The following SLC11A2 variants were observed in gnomAD, a reference collection of about 807,000 sequenced individuals.
The protein encoded by SLC11A2 is natural resistance-associated macrophage protein 2.
In SLC11A2, 38 loss-of-function variants were observed where a neutral mutation model predicts 68.0. That is an observed-to-expected ratio of 0.56 (90% CI 0.43 to 0.73). SLC11A2 has a LOEUF of 0.73. Among genes scored for constraint, SLC11A2 ranks in the 30% least tolerant of loss-of-function variants. The pLI is 0.00. For missense variants in SLC11A2, 517 were observed against 690.5 expected (o/e 0.75, Z 2.82); for synonymous variants, 242 against 250.6 (o/e 0.97, Z 0.32).
downstream of SLC11A2, among the ~76,000 whole-genome samples, chr12:50,983,635 C>T (rs1159245073): frequency 1.3e-5 from 2 of 151,870 alleles, no homozygotes; most frequent in Non-Finnish European, 1.5e-5. Flanking sequence ...GTCAGGAGTT[C>T]GAGAGCAGCC....
the SLC11A2 span, among the ~76,000 whole-genome samples, chr12:50,968,131 TGAG>T: frequency 1.9e-3 from 274 of 147,090 alleles, no homozygotes; most frequent in Middle Eastern, 0.021. Flanking sequence ...AGGAGGAGAA[TGAG>T]GAGGAGGAGG....
the SLC11A2 span, among the ~76,000 whole-genome samples, chr12:50,965,469 G>A: frequency 6.6e-6 from 1 of 151,974 alleles, no homozygotes; most frequent in Admixed American, 6.6e-5. Flanking sequence ...TACTATAATA[G>A]CCCTTACTTT....
the SLC11A2 span, among the ~76,000 whole-genome samples, chr12:50,971,907 A>G: frequency 6.6e-6 from 1 of 152,210 alleles, no homozygotes; most frequent in East Asian, 1.9e-4. Context: ...TATTATATAC[A>G]TTTTTCCCCA....
chr12:51,001,490 C>T (rs550232468), intron 5 of SLC11A2, among the ~76,000 whole-genome samples: 3 of 151,150 alleles, frequency 2.0e-5, no homozygotes. Context: ...CCCCATGACA[C>T]GTGTTTATCT....
At chr12:51,005,059 T>G in intron 4 of SLC11A2, 152 bp from the exon 5 acceptor site, 4 of 1,025,730 alleles carry the variant, frequency 3.9e-6, no homozygotes, top group Non-Finnish European at 5.9e-6. Flanking sequence ...ATAACAGATT[T>G]TGCACATGAC....
At chr12:50,995,025 G>A (rs767163445) in intron 10 of SLC11A2, 1 of 284,600 alleles carries the variant, frequency 3.5e-6, no homozygotes, top group Non-Finnish European at 6.8e-6. Flanking sequence ...AAACTACACA[G>A]GCAGGCCAGG....
downstream of SLC11A2, chr12:50,981,535 T>C (rs17125155): frequency 0.029 from 15,703 of 541,278 alleles, 453 homozygotes; most frequent in East Asian, 0.083. Flanking sequence ...ATGACTGTTA[T>C]GAGGTGGGTG....
the SLC11A2 span, chr12:50,961,202 T>C: frequency 5.6e-6 from 7 of 1,247,670 alleles, no homozygotes; most frequent in African/African-American, 8.9e-5. Context: ...GTCACAATGA[T>C]GTAATGAGAG....
intron 1 of SLC11A2, among the ~76,000 whole-genome samples, chr12:51,013,356 T>A (rs1293197498): frequency 6.6e-6 from 1 of 150,408 alleles, no homozygotes; most frequent in Non-Finnish European, 1.5e-5. Context: ...AATGGCATGA[T>A]CTCAGCTCGC....
Position 50,995,783 on chromosome 12 carries a change from C to G in SLC11A2, c.836G>C (p.Arg279Thr). Reference sequence around the variant, plus strand: ...CTGCTTATTGTTCCGGTTTACCTGTCTAGACTAGAAAGATAACAACAGCAG... The same window carrying G: ...CTGCTTATTGTTCCGGTTTACCTGTGTAGACTAGAAAGATAACAACAGCAG... ...MYLHSALVKSRQVNRNNKQEV... is the reference protein window; with the variant it reads ...MYLHSALVKSTQVNRNNKQEV... The change falls in exon 10 of 16, where the codon AGA (arginine) becomes ACA (threonine). Residue 279 changes from arginine (R) to threonine (T), a missense_variant. Transcript: ENST00000262052. 6.2e-7 allele frequency: 1 copy of G among 1,614,040 alleles called. No homozygotes were observed. The highest frequency in any genetic ancestry group is 8.5e-7 in the Non-Finnish European group (1 of 1,179,912).
the SLC11A2 span, among the ~76,000 whole-genome samples, chr12:50,967,692 C>A: frequency 3.5e-4 from 53 of 152,272 alleles, no homozygotes; most frequent in South Asian, 0.011. Flanking sequence ...ATCAGAGAAC[C>A]AATTCCGGAT....
intron 1 of SLC11A2, among the ~76,000 whole-genome samples, chr12:51,023,927 C>T (rs2136429501): frequency 6.6e-6 from 1 of 151,824 alleles, no homozygotes; most frequent in Admixed American, 6.6e-5. Flanking sequence ...GGAGGTCAAC[C>T]CTGCAGTGAG....
chr12:50,979,484 A>T (rs2136116215), downstream of SLC11A2: 1 of 166,252 alleles, frequency 6.0e-6, no homozygotes, highest in African/African-American at 2.4e-5. Flanking sequence ...ACTGAGAAAT[A>T]AAACCACCCA....
At chr12:50,982,388 G>C (rs12813728), downstream of SLC11A2, among the ~76,000 whole-genome samples, 2,035 of 152,212 alleles carry the variant, frequency 0.013, 49 homozygotes, top group African/African-American at 0.045. Flanking sequence ...CACTTTGGGA[G>C]GCCAAGGTGG....
At chr12:50,993,313 A>T (rs1941367462) in intron 11 of SLC11A2, among the ~76,000 whole-genome samples, 1 of 152,190 alleles carries the variant, frequency 6.6e-6, no homozygotes, top group African/African-American at 2.4e-5. Context: ...GTGAAATGCT[A>T]CACACTATAT....
intron 3 of SLC11A2, chr12:51,006,301 AAAACAAAC>A (rs140582579): frequency 3.5e-4 from 55 of 158,346 alleles, no homozygotes; most frequent in African/African-American, 6.0e-4. Context: ...CTCCGTCTCA[AAAACAAAC>A]AAACAAACAA....
rs1468570043 is a variant in SLC11A2, at chr12:51,023,849, G to C, written c.-39+2461C>G. On this transcript the variant is annotated intron_variant, in intron 1 of 15. Transcript: ENST00000262052. ...TCCACAAAAAAATTTTTAAAAATTA[G>C]GGGTGGTGGCATGCACTTGTACTCC... Among the ~76,000 whole-genome samples the C allele has an allele frequency of 2.6e-5, 4 of 152,240 alleles. No homozygotes were observed. The East Asian group carries it at 7.7e-4, about 29-fold the overall frequency.
chr12:51,019,281 A>G (rs1943878057), intron 1 of SLC11A2, among the ~76,000 whole-genome samples: 1 of 152,212 alleles, frequency 6.6e-6, no homozygotes, highest in Non-Finnish European at 1.5e-5. Flanking sequence ...TATTTGTCCT[A>G]AAGAAAATGA....
intron 2 of SLC11A2, among the ~76,000 whole-genome samples, chr12:51,010,044 C>A (rs1460927994): frequency 6.6e-6 from 1 of 151,844 alleles, no homozygotes; most frequent in Non-Finnish European, 1.5e-5. Flanking sequence ...ATTAGCCGGG[C>A]GTGGCGGCAG....
Sources: gnomAD v4.1 joint callset for allele counts (sites outside exome capture counted in the v4.1 genomes callset) on GRCh38, gnomAD v4.1.1 for gene constraint, MANE v1.5 for transcripts, NCBI Gene and HGNC (gene_info 2026-07-23, HGNC 2026-07-21) for gene names.